Variants in TCF7L1 observed in about 807,000 individuals in gnomAD.
The protein encoded by TCF7L1 is transcription factor 7-like 1.
TCF7L1 carries 18 observed loss-of-function variants against 63.7 expected under a neutral mutation model. The ratio of observed to expected loss-of-function variants is 0.28; its 90% CI spans 0.20 to 0.42. The LOEUF is 0.42. Among genes scored for constraint, TCF7L1 ranks in the 10% least tolerant of loss-of-function variants. The probability of loss-of-function intolerance (pLI) is 1.00; values close to 1 mark genes in which losing one functional copy is unlikely to be tolerated. For synonymous variants in TCF7L1, 355 were observed against 340.9 expected, an observed-to-expected ratio of 1.04 and a Z score of -0.46; for missense variants, 654 against 779.3, an observed-to-expected ratio of 0.84 and a Z score of 1.91.
At chr2:85,152,592 G>A (rs1202498046) in intron 3 of TCF7L1, among the ~76,000 whole-genome samples, 3 of 151,806 alleles carry the variant, frequency 2.0e-5, no homozygotes, top group African/African-American at 7.3e-5. Flanking sequence ...GTGCCACCAT[G>A]CCCGGCTAAT....
intron 3 of TCF7L1, chr2:85,262,381 G>A (rs750138836): frequency 7.9e-5 from 32 of 405,870 alleles, no homozygotes; most frequent in Non-Finnish European, 1.3e-4. Context: ...TCAAGACACC[G>A]TCTCTTAAAA....
intron 3 of TCF7L1, among the ~76,000 whole-genome samples, chr2:85,229,773 T>C (rs1316476708): frequency 6.6e-6 from 1 of 152,180 alleles, no homozygotes; most frequent in Non-Finnish European, 1.5e-5. Context: ...TTTGGAAGAC[T>C]GAAGTAGGTG....
chr2:85,290,851 A>T (rs1681695747), intron 4 of TCF7L1, among the ~76,000 whole-genome samples: 1 of 152,218 alleles, frequency 6.6e-6, no homozygotes, highest in Non-Finnish European at 1.5e-5. Context: ...GCTCAAGAAT[A>T]ATCCTCTTTG....
chr2:85,167,546 C>T (rs969647442), intron 3 of TCF7L1, among the ~76,000 whole-genome samples: 10 of 152,056 alleles, frequency 6.6e-5, no homozygotes, highest in African/African-American at 1.2e-4. Context: ...GGGCTCTGCA[C>T]GCAATGGAAT....
intron 3 of TCF7L1, among the ~76,000 whole-genome samples, chr2:85,180,729 G>A (rs1049824592): frequency 3.9e-5 from 6 of 152,174 alleles, no homozygotes; most frequent in African/African-American, 7.2e-5. Context: ...CCAGGAGCCC[G>A]TTCCAAGTAT....
chr2:85,243,996 T>C (rs1003455731), intron 3 of TCF7L1, among the ~76,000 whole-genome samples: 4 of 152,188 alleles, frequency 2.6e-5, no homozygotes, highest in African/African-American at 9.7e-5. Flanking sequence ...GCCTTCAGTT[T>C]GCTTGTTCAT....
At chr2:85,219,262 T>C (rs756825277) in intron 3 of TCF7L1, among the ~76,000 whole-genome samples, 14 of 152,116 alleles carry the variant, frequency 9.2e-5, no homozygotes, top group South Asian at 2.1e-4. Flanking sequence ...AAAGTTAAAG[T>C]CTAAGCATAC....
At chr2:85,264,333 C>T (rs927294500) in intron 3 of TCF7L1, among the ~76,000 whole-genome samples, 1 of 152,144 alleles carries the variant, frequency 6.6e-6, no homozygotes, top group Non-Finnish European at 1.5e-5. Flanking sequence ...AGAATTTGGC[C>T]AGTGGACTTA....
chr2:85,231,451 A>T (rs1680077895), intron 3 of TCF7L1, among the ~76,000 whole-genome samples: 1 of 152,188 alleles, frequency 6.6e-6, no homozygotes, highest in Non-Finnish European at 1.5e-5. Flanking sequence ...CCTAGAGCAA[A>T]CTGAATTCCT....
Position 85,252,369 on chromosome 2 carries a change from T to G in TCF7L1, c.442-31126T>G, listed in dbSNP as rs144430115. Among the ~76,000 whole-genome samples the G allele has an allele frequency of 1.8e-3, 281 of 152,342 alleles. 1 individual carries two copies. The highest frequency in any genetic ancestry group is 6.4e-3 in the African/African-American group (267 of 41,580). ...TTGTAGATAATTCACCTACGTGGTC[T>G]CGGGCAGTTATACCCTGTGATAATT... On this transcript the variant is annotated intron_variant, in intron 3 of 11. Coordinates refer to ENST00000282111, the MANE Select transcript of TCF7L1 (RefSeq NM_031283.3).
At chr2:85,244,339 C>T (rs1680411020) in intron 3 of TCF7L1, among the ~76,000 whole-genome samples, 2 of 152,306 alleles carry the variant, frequency 1.3e-5, no homozygotes, top group Admixed American at 6.5e-5. Flanking sequence ...AGCGCCATGG[C>T]TGCCATGATA....
At chr2:85,194,163 C>T (rs1679100530) in intron 3 of TCF7L1, among the ~76,000 whole-genome samples, 1 of 151,996 alleles carries the variant, frequency 6.6e-6, no homozygotes, top group African/African-American at 2.4e-5. Context: ...CCAAACAGAG[C>T]ACCTTCCCAC....
intron 3 of TCF7L1, among the ~76,000 whole-genome samples, chr2:85,165,950 T>C (rs1678407118): frequency 6.6e-6 from 1 of 152,162 alleles, no homozygotes; most frequent in African/African-American, 2.4e-5. Context: ...GTGTGTAGTT[T>C]GTGTGGACAG....
At chr2:85,172,867 C>T (rs759020414) in intron 3 of TCF7L1, among the ~76,000 whole-genome samples, 25 of 152,152 alleles carry the variant, frequency 1.6e-4, no homozygotes, top group Non-Finnish European at 2.9e-4. Context: ...CTCCAGCCCT[C>T]TTCACCCCTC....
intron 11 of TCF7L1, among the ~76,000 whole-genome samples, chr2:85,308,503 CCTTT>C (rs1682193962): frequency 7.7e-6 from 1 of 129,186 alleles, no homozygotes; most frequent in Non-Finnish European, 1.6e-5. Context: ...TCCCCCCCTC[CCTTT>C]CTTCTTCCCT....
chr2:85,228,336 C>T (rs559674840), intron 3 of TCF7L1, among the ~76,000 whole-genome samples: 12 of 152,004 alleles, frequency 7.9e-5, no homozygotes, highest in African/African-American at 2.9e-4. Context: ...CAGGAGGATC[C>T]CTTGAGACTA....
At chr2:85,273,003 G>C (rs1250283760) in intron 3 of TCF7L1, among the ~76,000 whole-genome samples, 1 of 152,202 alleles carries the variant, frequency 6.6e-6, no homozygotes, top group Non-Finnish European at 1.5e-5. Context: ...AGAGACAGTG[G>C]AGGGAGTGGA....
intron 3 of TCF7L1, among the ~76,000 whole-genome samples, chr2:85,242,006 G>A (rs1365674603): frequency 4.0e-5 from 4 of 100,682 alleles, no homozygotes; most frequent in Non-Finnish European, 8.3e-5. Flanking sequence ...TTTTTTGGGC[G>A]GAGGGGGGCG....
intron 3 of TCF7L1, among the ~76,000 whole-genome samples, chr2:85,203,248 A>G (rs1679318955): frequency 6.6e-6 from 1 of 152,194 alleles, no homozygotes; most frequent in African/African-American, 2.4e-5. Flanking sequence ...CTGAGGTATT[A>G]TGTGTATCTT....
Sources: gnomAD v4.1 joint callset for allele counts (sites outside exome capture counted in the v4.1 genomes callset) on GRCh38, gnomAD v4.1.1 for gene constraint, MANE v1.5 for transcripts, NCBI Gene and HGNC (gene_info 2026-07-23, HGNC 2026-07-21) for gene names.